CCDC148: variants seen among roughly 807,000 people sequenced by gnomAD.
CCDC148 encodes the protein coiled-coil domain-containing protein 148.
A neutral mutation model predicts 85.7 loss-of-function variants in CCDC148; 89 were observed. The ratio of observed to expected loss-of-function variants is 1.04; its 90% CI spans 0.87 to 1.24. The LOEUF (loss-of-function observed/expected upper bound fraction) is 1.24. Among genes scored for constraint, CCDC148 ranks in the 50% most tolerant of loss-of-function variants. The pLI, the probability that CCDC148 is intolerant of heterozygous loss-of-function variation, is 0.00. For synonymous variants in CCDC148, 230 were observed against 213.9 expected (o/e 1.08, Z -0.66); for missense variants, 692 against 671.7 (o/e 1.03, Z -0.33).
Position 158,171,500 on chromosome 2 carries a change from T to C in CCDC148, c.*613A>G, listed in dbSNP as rs779565846. The C allele has an allele frequency of 2.6e-5, 4 of 151,944 alleles. No individual in the cohort carries two copies. Among genetic ancestry groups the C allele is most frequent in the African/African-American group, 4.8e-5 (2 of 41,400 alleles). 9.4% of individuals were successfully genotyped at this position (151,944 alleles called of 1,614,324 possible). On this transcript the variant is annotated 3_prime_UTR_variant, in exon 14 of 14. Transcript: ENST00000283233. ...TCTTCTAAACAATCACACAAATATA[T>C]ATATTTCCAAACCAAAACAGATATT...
intron 1 of CCDC148, among the ~76,000 whole-genome samples, chr2:158,405,671 A>C (rs981234735): frequency 6.6e-6 from 1 of 152,162 alleles, no homozygotes; most frequent in Admixed American, 6.6e-5. Context: ...TTAAACATTA[A>C]AGAACAGTTC....
chr2:158,184,845 C>T (rs1574355966), intron 11 of CCDC148, among the ~76,000 whole-genome samples: 2 of 152,122 alleles, frequency 1.3e-5, no homozygotes, highest in Non-Finnish European at 2.9e-5. Context: ...TCTGGGCCAG[C>T]TCCAAAGTTT....
At chr2:158,435,696 G>C (rs947260419) in intron 1 of CCDC148, among the ~76,000 whole-genome samples, 3 of 152,134 alleles carry the variant, frequency 2.0e-5, no homozygotes, top group Non-Finnish European at 4.4e-5. Context: ...TGGATAAAGA[G>C]TCAAGACCCA....
intron 1 of CCDC148, among the ~76,000 whole-genome samples, chr2:158,439,378 A>G (rs1687830051): frequency 6.6e-6 from 1 of 152,216 alleles, no homozygotes; most frequent in Non-Finnish European, 1.5e-5. Flanking sequence ...TTGCAGGGAC[A>G]GGAAACCAAA....
intron 1 of CCDC148, chr2:158,420,097 G>A (rs1043478799): frequency 6.6e-6 from 1 of 152,130 alleles, no homozygotes; most frequent in Non-Finnish European, 1.5e-5. Flanking sequence ...TGAGCAAGAT[G>A]ATAGTAAAAT....
At chr2:158,258,894 G>A (rs758477055) in intron 9 of CCDC148, among the ~76,000 whole-genome samples, 1 of 151,706 alleles carries the variant, frequency 6.6e-6, no homozygotes. Context: ...AGTTTCTACT[G>A]CTCATGGGGT....
intron 7 of CCDC148, among the ~76,000 whole-genome samples, chr2:158,324,401 T>C (rs1280162764): frequency 1.3e-5 from 2 of 152,174 alleles, no homozygotes; most frequent in African/African-American, 2.4e-5. Flanking sequence ...ATTAGAAATA[T>C]CCTTTATATA....
At chr2:158,352,841 T>C (rs1462573685) in intron 2 of CCDC148, among the ~76,000 whole-genome samples, 10 of 152,164 alleles carry the variant, frequency 6.6e-5, no homozygotes, top group Admixed American at 2.0e-4. Context: ...GTCGGGTTAC[T>C]CTCAAAGGGA....
chr2:158,391,053 T>C lies in CCDC148; in HGVS notation c.26-32483A>G, dbSNP rs79417442. ...AACATACACATACTTCATTCATTCA[T>C]TTGACAAAATATTTGTTGTATTCTT... is the stretch of plus-strand genomic sequence containing the variant. On this transcript the variant is annotated intron_variant, in intron 1 of 13. Coordinates refer to ENST00000283233, the MANE Select transcript of CCDC148 (RefSeq NM_138803.4). 2.0e-3 allele frequency among the ~76,000 whole-genome samples: 304 copies of C among 152,306 alleles called. 7 individuals carry two copies. In the East Asian group the frequency reaches 0.054, roughly 27 times the overall value.
chr2:158,360,977 TA>T (rs1683918992), intron 1 of CCDC148, among the ~76,000 whole-genome samples: 1 of 151,620 alleles, frequency 6.6e-6, no homozygotes, highest in South Asian at 2.1e-4. Flanking sequence ...GAGAAGAACA[TA>T]AATGACCTGA....
intron 9 of CCDC148, among the ~76,000 whole-genome samples, chr2:158,289,238 T>C (rs537856941): frequency 6.6e-6 from 1 of 152,256 alleles, no homozygotes; most frequent in African/African-American, 2.4e-5. Flanking sequence ...TACATAAAAA[T>C]TGTAAATGTT....
intron 2 of CCDC148, among the ~76,000 whole-genome samples, chr2:158,346,081 ATAAT>A (rs1223343890): frequency 6.6e-6 from 1 of 152,238 alleles, no homozygotes; most frequent in Non-Finnish European, 1.5e-5. Flanking sequence ...AATGTAGCAC[ATAAT>A]TAATGATTTT....
chr2:158,310,942 C>T (rs1035064207), intron 8 of CCDC148, among the ~76,000 whole-genome samples: 16 of 150,240 alleles, frequency 1.1e-4, no homozygotes, highest in African/African-American at 3.9e-4. Flanking sequence ...ACGCTCCTCA[C>T]TTCTAGACAG....
intron 9 of CCDC148, among the ~76,000 whole-genome samples, chr2:158,283,350 A>G (rs1479395573): frequency 2.6e-5 from 4 of 152,168 alleles, no homozygotes; most frequent in African/African-American, 7.2e-5. Flanking sequence ...GCAACCTACA[A>G]CATGGGAGAA....
chr2:158,325,116 T>G (rs1324447620), intron 7 of CCDC148, among the ~76,000 whole-genome samples: 2 of 149,546 alleles, frequency 1.3e-5, no homozygotes, highest in African/African-American at 4.9e-5. Flanking sequence ...AATAACTACA[T>G]AAAAGCCTGG....
intron 2 of CCDC148, among the ~76,000 whole-genome samples, chr2:158,352,386 G>C (rs983957409): frequency 9.2e-5 from 14 of 152,328 alleles, no homozygotes; most frequent in East Asian, 3.9e-4. Context: ...CTTAAAGGAG[G>C]TGATGGAGCT....
At position 158,183,120 on chromosome 2, in the gene CCDC148, G is replaced by C. The variant is rs368002911; in HGVS notation, c.1371-4124C>G. On this transcript the variant is annotated intron_variant, in intron 11 of 13. Coordinates refer to ENST00000283233, the MANE Select transcript of CCDC148 (RefSeq NM_138803.4). ...CAAAGGTTGAAAGTGCTGCAAAAGA[G>C]GCATTTTCGACTTCTCTTGGGGGAG... Among the ~76,000 whole-genome samples, 349 of 152,206 alleles carry C rather than the reference G, an allele frequency of 2.3e-3. 17 individuals carry two copies. In the South Asian group the frequency reaches 0.069, roughly 30 times the overall value.
chr2:158,408,871 C>T (rs1686137756), intron 1 of CCDC148, among the ~76,000 whole-genome samples: 2 of 151,980 alleles, frequency 1.3e-5, no homozygotes, highest in African/African-American at 2.4e-5. Context: ...GCCATTCTAA[C>T]TGGTGTGAGG....
chr2:158,407,955 T>C (rs1379941515), intron 1 of CCDC148, among the ~76,000 whole-genome samples: 1 of 152,192 alleles, frequency 6.6e-6, no homozygotes, highest in Non-Finnish European at 1.5e-5. Context: ...CTATTTTAAG[T>C]ACAAATTCTA....
Sources: allele counts gnomAD v4.1 joint callset (sites outside exome capture counted in the v4.1 genomes callset), GRCh38; gene constraint gnomAD v4.1.1; transcripts MANE v1.5; gene names NCBI Gene and HGNC (gene_info 2026-07-23, HGNC 2026-07-21).